NPNT: variants seen among roughly 807,000 people sequenced by gnomAD.
The protein encoded by NPNT is preosteoblast EGF-like repeat protein with MAM domain.
NPNT carries 45 observed loss-of-function variants against 68.6 expected under a neutral mutation model. That is an observed-to-expected ratio of 0.66 (90% CI 0.52 to 0.84). The LOEUF (loss-of-function observed/expected upper bound fraction) is 0.84, where lower values mean the gene tolerates loss of function less well. Among genes scored for constraint, NPNT ranks in the 40% least tolerant of loss-of-function variants. NPNT has a pLI of 0.00. For missense variants in NPNT, 672 were observed against 714.8 expected (o/e 0.94, Z 0.68); for synonymous variants, 233 against 253.3 (o/e 0.92, Z 0.76).
chr4:105,915,496 C>G (rs549716832), intron 2 of NPNT, among the ~76,000 whole-genome samples: 6 of 152,138 alleles, frequency 3.9e-5, no homozygotes, highest in African/African-American at 1.4e-4. Flanking sequence ...AGATAACAGT[C>G]CTATCTAGTA....
chr4:105,959,023 T>G lies in NPNT; in HGVS notation c.1247-5T>G. On this transcript the variant is annotated splice_region_variant and splice_polypyrimidine_tract_variant and intron_variant, in intron 9 of 11. Transcript: ENST00000379987. ...CCACTCATCTTTCTGATTATTTCCT[T>G]GTAGGTGTTCTGGTACACAGTTGTA... 1.3e-6 allele frequency: 2 copies of G among 1,578,564 alleles called. No individual in the cohort carries two copies. Among genetic ancestry groups the G allele is most frequent in the Non-Finnish European group, 1.7e-6 (2 of 1,147,768 alleles).
At chr4:105,919,915 TC>T (rs1221177804) in intron 2 of NPNT, among the ~76,000 whole-genome samples, 1 of 151,958 alleles carries the variant, frequency 6.6e-6, no homozygotes, top group Non-Finnish European at 1.5e-5. Flanking sequence ...GATACCCTGT[TC>T]CCCAACAAAC....
At chr4:105,955,439 C>T (rs1455066638) in intron 8 of NPNT, among the ~76,000 whole-genome samples, 1 of 152,144 alleles carries the variant, frequency 6.6e-6, no homozygotes. Context: ...TCTAAGTTCT[C>T]TTTGAGTAAC....
intron 3 of NPNT, among the ~76,000 whole-genome samples, chr4:105,931,297 A>C (rs112127963): frequency 1.1e-4 from 16 of 152,310 alleles, no homozygotes; most frequent in African/African-American, 3.4e-4. Context: ...GTACTTTATA[A>C]TAATTTCAGA....
At chr4:105,899,945 A>G (rs1161521650) in intron 2 of NPNT, among the ~76,000 whole-genome samples, 1 of 152,232 alleles carries the variant, frequency 6.6e-6, no homozygotes, top group Non-Finnish European at 1.5e-5. Flanking sequence ...AAAGAGGCTG[A>G]TCAGATTGAA....
In NPNT at chr4:105,938,428, G is replaced by A. The variant is rs1206108552; in HGVS notation, c.505+8G>A. 1.8e-5 allele frequency: 29 copies of A among 1,611,564 alleles called. No individual in the cohort carries two copies. In the Admixed American group the frequency reaches 4.9e-4, roughly 27 times the overall value. On this transcript the variant is annotated splice_region_variant and intron_variant, in intron 5 of 11. Transcript: ENST00000379987. ...ATGGGAGGACCTGTGTAGGTGAGTT[G>A]TAAAATCAAGCATCTCTGTCAGCAG...
intron 2 of NPNT, among the ~76,000 whole-genome samples, chr4:105,918,346 T>A (rs1165678351): frequency 1.3e-5 from 2 of 152,194 alleles, no homozygotes; most frequent in African/African-American, 4.8e-5. Context: ...GTGATGATGG[T>A]TACATTAAAA....
chr4:105,912,752 GA>G (rs1727470561), intron 2 of NPNT: 1 of 166,638 alleles, frequency 6.0e-6, no homozygotes, highest in African/African-American at 2.4e-5. Flanking sequence ...CCTTGTTTAA[GA>G]TATTTTTGGC....
At chr4:105,963,229 A>AT (rs145730284) in intron 10 of NPNT, among the ~76,000 whole-genome samples, 14,232 of 152,028 alleles carry the variant, frequency 0.094, 860 homozygotes, top group African/African-American at 0.17. Context: ...CGTCAAAAAA[A>AT]AATAATAAAT....
intron 2 of NPNT, among the ~76,000 whole-genome samples, chr4:105,909,484 A>G (rs1024474196): frequency 6.6e-6 from 1 of 152,232 alleles, no homozygotes; most frequent in Non-Finnish European, 1.5e-5. Flanking sequence ...AATAATGTGT[A>G]GGTTTGCTAA....
intron 8 of NPNT, among the ~76,000 whole-genome samples, chr4:105,951,286 A>C (rs1033119976): frequency 6.6e-6 from 1 of 152,242 alleles, no homozygotes; most frequent in Non-Finnish European, 1.5e-5. Flanking sequence ...ATGAGTGGCC[A>C]TATCAGAGAA....
rs78628361 is a variant in NPNT, at chr4:105,934,567, G to T, written c.266-2442G>T. ...TGGGACAATGATGGCAGTCACTAGG[G>T]ATATTAACACCAGTCAGCTGTCAGG... is the stretch of plus-strand genomic sequence containing the variant. On this transcript the variant is annotated intron_variant, in intron 3 of 11. Coordinates refer to ENST00000379987, the MANE Select transcript of NPNT (RefSeq NM_001033047.3). Among the ~76,000 whole-genome samples, 1,304 of 152,318 alleles carry T rather than the reference G, an allele frequency of 8.6e-3. 23 individuals are homozygous for T. The highest frequency in any genetic ancestry group is 0.029 in the African/African-American group (1,218 of 41,562).
intron 2 of NPNT, among the ~76,000 whole-genome samples, chr4:105,918,603 A>G (rs1032240281): frequency 6.6e-6 from 1 of 152,142 alleles, no homozygotes; most frequent in Non-Finnish European, 1.5e-5. Flanking sequence ...TGTGTAATTA[A>G]TCACTGCCTG....
chr4:105,934,518 TA>T (rs1217150555), intron 3 of NPNT, among the ~76,000 whole-genome samples: 2 of 152,198 alleles, frequency 1.3e-5, no homozygotes, highest in African/African-American at 4.8e-5. Context: ...GTGAAGTTTT[TA>T]GGAGACACCT....
rs150719234 is a variant in NPNT at position 105,904,824 on chromosome 4, G to A, written c.172+6823G>A. On this transcript the variant is annotated intron_variant, in intron 2 of 11. Transcript: ENST00000379987. Reference sequence around the variant, plus strand: ...TCTCTCTCGAGTAGTTGGGATTACAGGTGTACACCACCACACCTAGCTAAT... The same window carrying A: ...TCTCTCTCGAGTAGTTGGGATTACAAGTGTACACCACCACACCTAGCTAAT... 3.1e-4 allele frequency among the ~76,000 whole-genome samples: 47 copies of A among 152,060 alleles called. No individual in the cohort carries two copies. In the East Asian group the frequency reaches 6.6e-3, roughly 21 times the overall value.
Position 105,895,568 on chromosome 4 carries a change from C to A in NPNT, c.-85C>A. On this transcript the variant is annotated 5_prime_UTR_variant, in exon 1 of 12. Coordinates refer to ENST00000379987, the MANE Select transcript of NPNT (RefSeq NM_001033047.3). ...AGGGCTGGGGGTTCCTCGAGACTCT[C>A]AGAGGGGCGCCTCCCATCGGCGCCC... 8.7e-7 allele frequency: 1 copy of A among 1,144,186 alleles called. No homozygotes were observed. Among genetic ancestry groups the A allele is most frequent in the Non-Finnish European group, 1.3e-6 (1 of 790,406 alleles). 70.9% of individuals were successfully genotyped at this position (1,144,186 alleles called of 1,614,324 possible).
chr4:105,917,343 T>C (rs1047622487), intron 2 of NPNT, among the ~76,000 whole-genome samples: 2 of 152,182 alleles, frequency 1.3e-5, no homozygotes, highest in African/African-American at 4.8e-5. Context: ...AAAATTCAGC[T>C]CACATTTCCT....
At chr4:105,961,702 G>C (rs1465292362) in intron 10 of NPNT, among the ~76,000 whole-genome samples, 1 of 152,222 alleles carries the variant, frequency 6.6e-6, no homozygotes, top group Non-Finnish European at 1.5e-5. Flanking sequence ...ATTGGACCGT[G>C]TTAGTACAGA....
intron 5 of NPNT, among the ~76,000 whole-genome samples, chr4:105,938,627 G>A (rs776693534): frequency 8.5e-5 from 13 of 152,198 alleles, no homozygotes; most frequent in Non-Finnish European, 1.6e-4. Flanking sequence ...AATAGGAGGA[G>A]GCCTCAGGCA....
Sources: allele counts gnomAD v4.1 joint callset (sites outside exome capture counted in the v4.1 genomes callset), GRCh38; gene constraint gnomAD v4.1.1; transcripts MANE v1.5; gene names NCBI Gene and HGNC (gene_info 2026-07-23, HGNC 2026-07-21).